The following XPO5 variants were observed in gnomAD, a reference collection of about 807,000 sequenced individuals.
XPO5 encodes the protein exportin 5, also known as exportin-5.
A neutral mutation model predicts 160.6 loss-of-function variants in XPO5; 46 were observed. That is an observed-to-expected ratio of 0.29 (90% CI 0.23 to 0.37). The LOEUF is 0.37. Among genes scored for constraint, XPO5 ranks in the 10% least tolerant of loss-of-function variants. XPO5 has a pLI of 1.00. For missense variants in XPO5, 1,090 were observed against 1,463.9 expected, an observed-to-expected ratio of 0.74 and a Z score of 4.17; for synonymous variants, 537 against 519.3, an observed-to-expected ratio of 1.03 and a Z score of -0.46.
intron 20 of XPO5, among the ~76,000 whole-genome samples, chr6:43,540,006 A>G (rs1305792378): frequency 6.6e-6 from 1 of 152,238 alleles, no homozygotes; most frequent in African/African-American, 2.4e-5. Context: ...TATAATCCCA[A>G]TACTTTGGGA....
Position 43,575,954 on chromosome 6 carries a change from C to G in XPO5, c.-90G>C, listed in dbSNP as rs915680327. The G allele has an allele frequency of 8.7e-6, 11 of 1,271,502 alleles. No individual in the cohort carries two copies. The East Asian group carries it at 2.4e-4, about 28-fold the overall frequency. The allele number at this position is 1,271,502 out of a possible 1,614,324, so 78.8% of individuals were successfully genotyped here. On this transcript the variant is annotated 5_prime_UTR_variant, in exon 1 of 32. Coordinates refer to ENST00000265351, the MANE Select transcript of XPO5 (RefSeq NM_020750.3). Reference sequence around the variant, plus strand: ...CCTCGGCGAGACCACCCGTTGGTACCGGGCCGCGGCGGGCGGCGGGGGTGG... The same window carrying G: ...CCTCGGCGAGACCACCCGTTGGTACGGGGCCGCGGCGGGCGGCGGGGGTGG...
At chr6:43,562,047 T>C (rs1460107837) in intron 9 of XPO5, 200 bp downstream of exon 9, 2 of 440,114 alleles carry the variant, frequency 4.5e-6, no homozygotes, top group Non-Finnish European at 8.0e-6. Flanking sequence ...GTATAACTAT[T>C]TTATTGTTAA....
At position 43,530,915 on chromosome 6, in the gene XPO5, A is replaced by G. The variant is rs570854797; in HGVS notation, c.2541-91T>C. On this transcript the variant is annotated intron_variant, in intron 22 of 31. Transcript: ENST00000265351. The stretch of plus-strand genomic sequence containing the variant: ...CCATGAATTTCATTTCTAGCCTACA[A>G]TAAGGTTTTTCAGCCAGAAGAGCAG... 3.6e-5 allele frequency: 53 copies of G among 1,465,304 alleles called. No individual in the cohort carries two copies. In the South Asian group the frequency reaches 6.2e-4, roughly 17 times the overall value. 90.8% of individuals were successfully genotyped at this position (1,465,304 alleles called of 1,614,324 possible).
intron 5 of XPO5, among the ~76,000 whole-genome samples, chr6:43,569,826 T>C (rs1252114525): frequency 4.0e-5 from 6 of 151,776 alleles, no homozygotes; most frequent in African/African-American, 1.4e-4. Context: ...CTCACACCTA[T>C]AATCTCAGCA....
At chr6:43,532,363 C>T (rs566166600) in intron 21 of XPO5, among the ~76,000 whole-genome samples, 1 of 152,284 alleles carries the variant, frequency 6.6e-6, no homozygotes, top group Admixed American at 6.5e-5. Flanking sequence ...CATTGGATTG[C>T]TTGACCACAG....
intron 24 of XPO5, 118 bp downstream of exon 24, chr6:43,528,710 C>T (rs1223105056): frequency 2.0e-6 from 2 of 977,082 alleles, no homozygotes; most frequent in African/African-American, 1.6e-5. Context: ...AAGCTCTGCC[C>T]AGCCAGTCTG....
At chr6:43,524,775 G>A (rs1793448674) in intron 30 of XPO5, 56 bp downstream of exon 30, 3 of 1,606,870 alleles carry the variant, frequency 1.9e-6, no homozygotes, top group Non-Finnish European at 8.5e-7. Flanking sequence ...AAGAGACTAG[G>A]AGCAGACTGA....
Position 43,522,842 on chromosome 6 carries a change from C to T in XPO5, c.*1026G>A. The stretch of plus-strand genomic sequence containing the variant: ...CAGGGCCAGGTCCCGTATCCATGTC[C>T]TCTCTTTACAGGGCCTTTCAGTGAC... On this transcript the variant is annotated 3_prime_UTR_variant, in exon 32 of 32. Transcript: ENST00000265351. 3.4e-6 allele frequency: 1 copy of T among 296,690 alleles called. No individual in the cohort carries two copies. Among genetic ancestry groups the T allele is most frequent in the Non-Finnish European group, 7.8e-6 (1 of 128,372 alleles). The allele number at this position is 296,690 out of a possible 1,614,324, so 18.4% of individuals were successfully genotyped here. A position where few individuals can be genotyped will look rare whatever the true frequency, so the allele number is the denominator to read the frequency against.
intron 7 of XPO5, chr6:43,566,669 G>A (rs1372415059): frequency 4.7e-6 from 2 of 423,292 alleles, no homozygotes; most frequent in Admixed American, 4.8e-5. Flanking sequence ...AATCAGTCGG[G>A]CATGGTGGCG....
intron 22 of XPO5, 81 bp downstream of exon 22, chr6:43,531,398 G>C (rs969332642): frequency 7.6e-7 from 1 of 1,320,466 alleles, no homozygotes; most frequent in Non-Finnish European, 1.1e-6. Context: ...CTGTACACTA[G>C]ATGAAAAGTC....
chr6:43,572,107 T>C (rs1763039025), intron 3 of XPO5, among the ~76,000 whole-genome samples: 1 of 152,262 alleles, frequency 6.6e-6, no homozygotes, highest in South Asian at 2.1e-4. Context: ...AGATAGGGTC[T>C]TGCTCTGTTG....
In XPO5 at chr6:43,565,671, G is replaced by A. The variant is rs1474550370; in HGVS notation, c.900C>T (p.Leu300=). ...GTAAAGATACTCACTGTGCGGCGGA[G>A]AGTATATAATGCATGGCAACATCTC... The part of the protein sequence containing the change: ...LFGDVAMHYI[L]SAAQTADGGG... Residue 300 remains leucine (L), a synonymous_variant, in exon 8 of 32, where the codon CTC becomes CTT. Coordinates refer to ENST00000265351, the MANE Select transcript of XPO5 (RefSeq NM_020750.3). The A allele has an allele frequency of 6.2e-7, 1 of 1,607,056 alleles. No individual in the cohort carries two copies. The highest frequency in any genetic ancestry group is 1.3e-5 in the African/African-American group (1 of 74,664).
intron 2 of XPO5, 104 bp downstream of exon 2, chr6:43,573,376 G>C (rs1763110599): frequency 7.0e-7 from 1 of 1,433,678 alleles, no homozygotes; most frequent in East Asian, 2.4e-5. Context: ...TCTCTTCTTG[G>C]AGATTGCTCT....
At chr6:43,560,857 C>G in intron 10 of XPO5, 67 bp downstream of exon 10, 2 of 1,259,574 alleles carry the variant, frequency 1.6e-6, no homozygotes, top group East Asian at 2.3e-5. Flanking sequence ...AATAATATTT[C>G]AGGACACAGT....
chr6:43,560,972 A>T lies in XPO5; in HGVS notation c.1047T>A (p.Phe349Leu). The T allele has an allele frequency of 1.2e-6, 2 of 1,613,988 alleles. No individual in the cohort carries two copies. The highest frequency in any genetic ancestry group is 1.7e-6 in the Non-Finnish European group (2 of 1,179,864). The change falls in exon 10 of 32, where the codon TTT becomes TTA. Residue 349 changes from phenylalanine to leucine, a missense_variant. Phe to Leu is a conservative substitution (Grantham distance 22). Transcript: ENST00000265351. ...ADSDVETPSNFGKYLESFLAF... is the reference protein window; with the variant it reads ...ADSDVETPSNLGKYLESFLAF... ...CAAGAAAAGATTCCAGGTATTTTCCAAAGTTTGATGGTGTTTCTACATCAG... is the reference window on the plus strand; with the variant it reads ...CAAGAAAAGATTCCAGGTATTTTCCTAAGTTTGATGGTGTTTCTACATCAG...
intron 5 of XPO5, among the ~76,000 whole-genome samples, chr6:43,569,364 G>T (rs1168053295): frequency 1.3e-5 from 2 of 151,356 alleles, no homozygotes; most frequent in African/African-American, 4.9e-5. Flanking sequence ...TGGCTATTCA[G>T]TGAATATACA....
In XPO5 at chr6:43,575,932, C is replaced by T; in HGVS notation, c.-68G>A. On this transcript the variant is annotated 5_prime_UTR_variant, in exon 1 of 32. Coordinates refer to ENST00000265351, the MANE Select transcript of XPO5 (RefSeq NM_020750.3). ...GGACCACGAGGCACGACAGCTCCCT[C>T]GGCGAGACCACCCGTTGGTACCGGG... is the stretch of plus-strand genomic sequence containing the variant. The T allele has an allele frequency of 1.3e-6, 2 of 1,497,654 alleles. No homozygotes were observed. Among genetic ancestry groups the T allele is most frequent in the East Asian group, 2.5e-5 (1 of 40,362 alleles). The allele number at this position is 1,497,654 out of a possible 1,614,324, so 92.8% of individuals were successfully genotyped here.
chr6:43,553,415 CAA>C lies in XPO5; in HGVS notation c.1528_1529del (p.Leu510GlyfsTer13), dbSNP rs756386937. On this transcript the variant is annotated frameshift_variant, in exon 14 of 32. Coordinates refer to ENST00000265351, the MANE Select transcript of XPO5 (RefSeq NM_020750.3). LOFTEE classifies it high-confidence loss of function. ...FVQWEAMTLF[L>X]ESVITQMFRT... ...GAAACATCTGGGTGATAACACTTTC[CAA>C]AAAAAGAGTCATGGCTTCCCACTGC... 6 of 1,605,786 alleles carry C rather than the reference CAA, an allele frequency of 3.7e-6. No individual in the cohort carries two copies. Among genetic ancestry groups the C allele is most frequent in the African/African-American group, 1.3e-5 (1 of 74,702 alleles).
Position 43,533,832 on chromosome 6 carries a change from T to TA in XPO5, c.2443+74dup, listed in dbSNP as rs1481101880. ...CCTGGGTGACAGAGACTATGACTCT[T>TA]AAAAAACAACAAAAAAAGGGGACAT... is the stretch of plus-strand genomic sequence containing the variant. On this transcript the variant is annotated intron_variant, in intron 21 of 31. Coordinates refer to ENST00000265351, the MANE Select transcript of XPO5 (RefSeq NM_020750.3). The TA allele has an allele frequency of 4.2e-6, 5 of 1,200,836 alleles. No individual in the cohort carries two copies. The Admixed American group carries it at 6.1e-5, about 15-fold the overall frequency. 74.4% of individuals were successfully genotyped at this position (1,200,836 alleles called of 1,614,324 possible).
Sources: gnomAD v4.1 joint callset for allele counts (sites outside exome capture counted in the v4.1 genomes callset) on GRCh38, gnomAD v4.1.1 for gene constraint, MANE v1.5 for transcripts, NCBI Gene and HGNC (gene_info 2026-07-23, HGNC 2026-07-21) for gene names.